Variants in RAB3GAP2 observed in about 807,000 individuals in gnomAD.
RAB3GAP2 encodes the protein rab3 GTPase-activating protein non-catalytic subunit.
Under a neutral mutation model 185.3 loss-of-function variants are expected in RAB3GAP2, and 87 were observed. That is an observed-to-expected ratio of 0.47 (90% CI 0.39 to 0.56). RAB3GAP2 has a LOEUF of 0.56. Among genes scored for constraint, RAB3GAP2 ranks in the 20% least tolerant of loss-of-function variants. RAB3GAP2 has a pLI of 0.00. For synonymous variants in RAB3GAP2, 554 were observed against 576.1 expected, an observed-to-expected ratio of 0.96 and a Z score of 0.55; for missense variants, 1,492 against 1,638.2, an observed-to-expected ratio of 0.91 and a Z score of 1.54.
At position 220,267,354 on chromosome 1, in the gene RAB3GAP2, G is replaced by A. The variant is rs144435739; in HGVS notation, c.115+4869C>T. 5.1e-4 allele frequency: 584 copies of A among 1,147,582 alleles called. 1 individual carries two copies. In the African/African-American group the frequency reaches 7.4e-3, roughly 15 times the overall value. 71.1% of individuals were successfully genotyped at this position (1,147,582 alleles called of 1,614,324 possible). A position where few individuals can be genotyped will look rare whatever the true frequency, so the allele number is the denominator to read the frequency against. ...ACAGTCTGATTATATTAGGATGTTG[G>A]AGGTGGGACTGTATTTCTACTTCTC... On this transcript the variant is annotated intron_variant, in intron 1 of 34. Coordinates refer to ENST00000358951, the MANE Select transcript of RAB3GAP2 (RefSeq NM_012414.4).
chr1:220,258,221 C>A (rs1660065676), intron 1 of RAB3GAP2, among the ~76,000 whole-genome samples: 1 of 152,134 alleles, frequency 6.6e-6, no homozygotes, highest in Non-Finnish European at 1.5e-5. Flanking sequence ...AGGAGGGACT[C>A]CTCCCTCATT....
chr1:220,164,468 G>GTTTTTTTTTTTT (rs1339856200), intron 27 of RAB3GAP2, among the ~76,000 whole-genome samples: 2 of 117,046 alleles, frequency 1.7e-5, no homozygotes, highest in African/African-American at 6.7e-5. Flanking sequence ...TTTGTTTTTT[G>GTTTTTTTTTTTT]TTTTGTTTTT....
intron 7 of RAB3GAP2, chr1:220,208,062 TAAC>T: frequency 6.6e-6 from 1 of 152,144 alleles, no homozygotes. Context: ...GCATACAGAG[TAAC>T]AACAAAGACT....
At chr1:220,257,107 C>T (rs549299817) in intron 1 of RAB3GAP2, among the ~76,000 whole-genome samples, 4 of 152,186 alleles carry the variant, frequency 2.6e-5, no homozygotes, top group South Asian at 2.1e-4. Context: ...GGCTGGGCGT[C>T]GTGGCTCATG....
chr1:220,253,429 A>G, intron 1 of RAB3GAP2: 1 of 1,350,868 alleles, frequency 7.4e-7, no homozygotes, highest in South Asian at 1.5e-5. Flanking sequence ...GAGTGGCCAG[A>G]CTGTTAAAAG....
At chr1:220,235,991 A>G (rs1659584507) in intron 1 of RAB3GAP2, among the ~76,000 whole-genome samples, 1 of 152,196 alleles carries the variant, frequency 6.6e-6, no homozygotes, top group Non-Finnish European at 1.5e-5. Context: ...TTTCCCAACC[A>G]AGTCAAGATA....
rs761000043 is a variant in RAB3GAP2, at chr1:220,195,071, G to A, written c.1130+7C>T. 2.5e-6 allele frequency: 4 copies of A among 1,613,570 alleles called. No homozygotes were observed. The South Asian group carries it at 4.4e-5, about 18-fold the overall frequency. On this transcript the variant is annotated splice_region_variant and intron_variant, in intron 12 of 34. Coordinates refer to ENST00000358951, the MANE Select transcript of RAB3GAP2 (RefSeq NM_012414.4). ...GGACTAAAATTTGGGAAGCATGACA[G>A]ACTTGCCTTACAGCTAATGGGGTAG...
At chr1:220,217,065 T>A (rs923070503) in intron 2 of RAB3GAP2, among the ~76,000 whole-genome samples, 1 of 151,952 alleles carries the variant, frequency 6.6e-6, no homozygotes, top group Non-Finnish European at 1.5e-5. Flanking sequence ...GAAAATGGAG[T>A]CTCGGAGAGG....
At position 220,190,137 on chromosome 1, in the gene RAB3GAP2, CTT is replaced by C. The variant is rs1458219491; in HGVS notation, c.1639_1640del (p.Lys547GlufsTer2). On this transcript the variant is annotated frameshift_variant, in exon 16 of 35. Coordinates refer to ENST00000358951, the MANE Select transcript of RAB3GAP2 (RefSeq NM_012414.4). LOFTEE classifies it high-confidence loss of function. ...GGTGCATATCCTTGGCTCGTTCACT[CTT>C]CTTATCACTAAACCAATAAATATAA... The part of the protein sequence containing the change: ...VPFHLALSDK[K>X]SERAKDMHLV... The C allele has an allele frequency of 6.2e-7, 1 of 1,611,560 alleles. No individual in the cohort carries two copies. Among genetic ancestry groups the C allele is most frequent in the Admixed American group, 1.7e-5 (1 of 59,972 alleles).
intron 33 of RAB3GAP2, among the ~76,000 whole-genome samples, chr1:220,152,137 G>A (rs1386859694): frequency 1.3e-5 from 2 of 152,158 alleles, no homozygotes; most frequent in Non-Finnish European, 2.9e-5. Flanking sequence ...GTGCAGTGGT[G>A]CAATCTCAGC....
At chr1:220,196,789 C>A (rs1658733540) in intron 9 of RAB3GAP2, among the ~76,000 whole-genome samples, 1 of 151,600 alleles carries the variant, frequency 6.6e-6, no homozygotes, top group Admixed American at 6.6e-5. Flanking sequence ...TGAGGTCACA[C>A]CAACTGCACT....
intron 2 of RAB3GAP2, among the ~76,000 whole-genome samples, chr1:220,217,273 A>C (rs966521456): frequency 2.0e-5 from 3 of 152,232 alleles, no homozygotes; most frequent in African/African-American, 7.2e-5. Context: ...TTTTCTCCAA[A>C]AGAACTACTG....
chr1:220,226,432 T>C (rs1286563250), intron 2 of RAB3GAP2, among the ~76,000 whole-genome samples: 1 of 143,428 alleles, frequency 7.0e-6, no homozygotes, highest in African/African-American at 2.6e-5. Context: ...ATAATACTCT[T>C]AAAAAAAAAA....
chr1:220,257,506 C>A (rs1660053920), intron 1 of RAB3GAP2, among the ~76,000 whole-genome samples: 1 of 152,076 alleles, frequency 6.6e-6, no homozygotes, highest in African/African-American at 2.4e-5. Flanking sequence ...AAGCAGACAT[C>A]AAAAAGATCT....
At chr1:220,222,174 G>C (rs909733262) in intron 2 of RAB3GAP2, among the ~76,000 whole-genome samples, 2 of 152,124 alleles carry the variant, frequency 1.3e-5, no homozygotes, top group Non-Finnish European at 2.9e-5. Context: ...AACACAAAAA[G>C]AAAGTAAACA....
At chr1:220,232,155 A>C (rs1476624134) in intron 2 of RAB3GAP2, among the ~76,000 whole-genome samples, 2 of 152,242 alleles carry the variant, frequency 1.3e-5, no homozygotes, top group East Asian at 3.8e-4. Flanking sequence ...GTGAAAGAAT[A>C]TAAAAGAATA....
intron 1 of RAB3GAP2, among the ~76,000 whole-genome samples, chr1:220,243,863 G>A (rs1659749186): frequency 6.6e-6 from 1 of 152,098 alleles, no homozygotes; most frequent in Non-Finnish European, 1.5e-5. Flanking sequence ...TACCCAGAAA[G>A]CAAACTTTGA....
chr1:220,197,773 G>C (rs1224731251), intron 9 of RAB3GAP2, among the ~76,000 whole-genome samples: 2 of 152,106 alleles, frequency 1.3e-5, no homozygotes, highest in African/African-American at 2.4e-5. Context: ...CAATAGATAT[G>C]CAATTTTTTT....
intron 1 of RAB3GAP2, among the ~76,000 whole-genome samples, chr1:220,237,135 T>C (rs1659608909): frequency 6.6e-6 from 1 of 152,084 alleles, no homozygotes. Flanking sequence ...TAACAAAAGG[T>C]ATCATGGAAT....
Sources: gnomAD v4.1 joint callset for allele counts (sites outside exome capture counted in the v4.1 genomes callset) on GRCh38, gnomAD v4.1.1 for gene constraint, MANE v1.5 for transcripts, NCBI Gene and HGNC (gene_info 2026-07-23, HGNC 2026-07-21) for gene names.